The following ENOX2 variants were observed in gnomAD, a reference collection of about 807,000 sequenced individuals.
ENOX2 encodes APK1 antigen.
ENOX2 carries 36 observed loss-of-function variants against 45.0 expected under a neutral mutation model. The ratio of observed to expected loss-of-function variants is 0.80; its 90% CI spans 0.61 to 1.06. The LOEUF (loss-of-function observed/expected upper bound fraction) is 1.06. Among genes scored for constraint, ENOX2 ranks in the 50% least tolerant of loss-of-function variants. ENOX2 has a pLI of 0.00. For missense variants in ENOX2, 423 were observed against 462.5 expected (o/e 0.91, Z 0.78); for synonymous variants, 174 against 152.3 (o/e 1.14, Z -1.05).
chrX:130,818,772 G>A (rs923680953), intron 2 of ENOX2, among the ~76,000 whole-genome samples: 3 of 111,867 alleles, frequency 2.7e-5, no homozygotes, highest in African/African-American at 6.5e-5. Flanking sequence ...AGACTTAAAC[G>A]TAAGACCTAA....
At chrX:130,669,734 A>G (rs896390837) in intron 7 of ENOX2, among the ~76,000 whole-genome samples, 2 of 112,094 alleles carry the variant, frequency 1.8e-5, no homozygotes, top group African/African-American at 6.5e-5. Flanking sequence ...TCTGAAGAGA[A>G]AAATGCCATC....
intron 2 of ENOX2, among the ~76,000 whole-genome samples, chrX:130,897,913 G>A (rs2079084998): frequency 8.9e-6 from 1 of 112,460 alleles, no homozygotes; most frequent in Non-Finnish European, 1.9e-5. Context: ...GCTGGAAGCA[G>A]CAGTAATCCA....
At chrX:130,770,688 G>T (rs760617337) in intron 3 of ENOX2, among the ~76,000 whole-genome samples, 10 of 111,839 alleles carry the variant, frequency 8.9e-5, no homozygotes, top group African/African-American at 3.2e-4. Context: ...TGCAAATAAA[G>T]CAGTAAGGAG....
chrX:130,837,189 G>T (rs1182083179), intron 2 of ENOX2, among the ~76,000 whole-genome samples: 1 of 112,150 alleles, frequency 8.9e-6, no homozygotes, highest in Non-Finnish European at 1.9e-5. Flanking sequence ...TTCATTAATG[G>T]ATTTCTTTTG....
At chrX:130,739,637 C>A (rs760727402) in intron 3 of ENOX2, among the ~76,000 whole-genome samples, 1 of 112,017 alleles carries the variant, frequency 8.9e-6, no homozygotes, top group East Asian at 2.8e-4. Context: ...TTCTTAACAA[C>A]CCACCGAGGT....
At chrX:130,806,833 G>A (rs1376497894) in intron 2 of ENOX2, among the ~76,000 whole-genome samples, 1 of 112,143 alleles carries the variant, frequency 8.9e-6, no homozygotes, top group Non-Finnish European at 1.9e-5. Context: ...AACTCTGGGG[G>A]TTAAAGTAGG....
intron 3 of ENOX2, among the ~76,000 whole-genome samples, chrX:130,760,470 C>T (rs2039455897): frequency 9.0e-6 from 1 of 110,548 alleles, no homozygotes; most frequent in East Asian, 2.8e-4. Flanking sequence ...ACAATGTTAG[C>T]TGTAGGTGCT....
chrX:130,666,345 G>A (rs2036832245), intron 8 of ENOX2, among the ~76,000 whole-genome samples: 1 of 112,006 alleles, frequency 8.9e-6, no homozygotes, highest in Admixed American at 9.4e-5. Flanking sequence ...TTTAGGGAAG[G>A]ATGCTGTGTA....
At chrX:130,688,734 C>T in intron 5 of ENOX2, 129 bp downstream of exon 5, 2 of 544,201 alleles carry the variant, frequency 3.7e-6, no homozygotes, top group Non-Finnish European at 5.7e-6. Context: ...ATTTTCCTGT[C>T]TTCTGTTCTC....
At chrX:130,892,950 A>C (rs2079006664) in intron 2 of ENOX2, among the ~76,000 whole-genome samples, 1 of 112,509 alleles carries the variant, frequency 8.9e-6, no homozygotes, top group African/African-American at 3.2e-5. Flanking sequence ...AATGGTGAGT[A>C]TCTGGGTGTT....
intron 3 of ENOX2, among the ~76,000 whole-genome samples, chrX:130,779,121 C>T (rs1002113290): frequency 1.9e-4 from 21 of 112,375 alleles, no homozygotes; most frequent in Non-Finnish European, 1.9e-4. Flanking sequence ...CTTTGAGAAA[C>T]GAACTTGGCA....
chrX:130,654,453 AC>A lies in ENOX2; in HGVS notation c.1129+2127del, dbSNP rs375972923. ...GCATGGACAGAGGGAAAAAAAAAAA[AC>A]AACAACAACAACTCTGAGATCTCGT... is the stretch of plus-strand genomic sequence containing the variant. On this transcript the variant is annotated intron_variant, in intron 10 of 14. Coordinates refer to ENST00000394363, the MANE Select transcript of ENOX2 (RefSeq NM_006375.4). Among the ~76,000 whole-genome samples, 399 of 108,429 alleles carry A rather than the reference AC, an allele frequency of 3.7e-3. 1 individual carries two copies. Among genetic ancestry groups the A allele is most frequent in the African/African-American group, 0.013 (387 of 28,787 alleles). The allele number at this position is 108,429 out of a possible 115,157, so 94.2% of individuals were successfully genotyped here. A position where few individuals can be genotyped will look rare whatever the true frequency, so the allele number is the denominator to read the frequency against.
intron 2 of ENOX2, among the ~76,000 whole-genome samples, chrX:130,807,986 T>G (rs962633160): frequency 1.2e-4 from 14 of 112,588 alleles, no homozygotes; most frequent in African/African-American, 4.5e-4. Context: ...ACCTGATACA[T>G]AGCAAAAATA....
At chrX:130,826,833 C>T (rs2077728401) in intron 2 of ENOX2, among the ~76,000 whole-genome samples, 1 of 111,750 alleles carries the variant, frequency 8.9e-6, no homozygotes, top group African/African-American at 3.2e-5. Context: ...ATTCAAATCA[C>T]ATAGACCAGT....
chrX:130,876,734 A>G lies in ENOX2; in HGVS notation c.-183+24950T>C, dbSNP rs1203521624. Among the ~76,000 whole-genome samples, 3 of 111,822 alleles carry G rather than the reference A, an allele frequency of 2.7e-5. No homozygotes were observed. The East Asian group carries it at 8.4e-4, about 31-fold the overall frequency. On this transcript the variant is annotated intron_variant, in intron 2 of 14. Transcript: ENST00000394363. ...CATAGCAGCAAGGGGAAGTAGAATC[A>G]GGGTCACCACACTACATAACTCCTC...
chrX:130,826,806 A>C (rs1448456775), intron 2 of ENOX2, among the ~76,000 whole-genome samples: 1 of 112,049 alleles, frequency 8.9e-6, no homozygotes, highest in African/African-American at 3.2e-5. Flanking sequence ...AAAATGGTTT[A>C]AAAATAAATG....
chrX:130,767,500 T>G (rs2039644648), intron 3 of ENOX2, among the ~76,000 whole-genome samples: 1 of 112,112 alleles, frequency 8.9e-6, no homozygotes. Flanking sequence ...ACTCAATACA[T>G]GTACTGGGTA....
intron 2 of ENOX2, among the ~76,000 whole-genome samples, chrX:130,854,542 A>G (rs1051345381): frequency 8.9e-6 from 1 of 111,885 alleles, no homozygotes; most frequent in African/African-American, 3.3e-5. Context: ...ACAGAATCCA[A>G]AAGCTGAACT....
At chrX:130,824,237 C>G (rs1200339812) in intron 2 of ENOX2, among the ~76,000 whole-genome samples, 1 of 111,738 alleles carries the variant, frequency 8.9e-6, no homozygotes, top group Non-Finnish European at 1.9e-5. Flanking sequence ...TATCTACCCT[C>G]TTAACAAAAT....
Sources: allele counts gnomAD v4.1 joint callset (sites outside exome capture counted in the v4.1 genomes callset), GRCh38; gene constraint gnomAD v4.1.1; transcripts MANE v1.5; gene names NCBI Gene and HGNC (gene_info 2026-07-23, HGNC 2026-07-21).